HCN1: variants seen among roughly 807,000 people sequenced by gnomAD.
HCN1 encodes the protein hyperpolarization activated cyclic nucleotide gated potassium channel 1.
HCN1 carries 13 observed loss-of-function variants against 78.9 expected under a neutral mutation model. The observed-to-expected ratio is 0.16, with a 90% CI of 0.11 to 0.26. The LOEUF is 0.26. Ranked by LOEUF, HCN1 falls within the 10% of genes least tolerant of loss-of-function variation. The pLI, the probability that HCN1 is intolerant of heterozygous loss-of-function variation, is 1.00. For missense variants in HCN1, 810 were observed against 1,154.3 expected (o/e 0.70, Z 4.32); for synonymous variants, 552 against 455.5 (o/e 1.21, Z -2.70).
At chr5:45,660,825 AG>A (rs1318057100) in intron 1 of HCN1, among the ~76,000 whole-genome samples, 2 of 134,320 alleles carry the variant, frequency 1.5e-5, no homozygotes, top group African/African-American at 5.8e-5. Context: ...TGACATACAA[AG>A]AGACTTAGAC....
At chr5:45,461,159 C>A (rs142680180) in intron 3 of HCN1, among the ~76,000 whole-genome samples, 4,631 of 151,900 alleles carry the variant, frequency 0.03, 96 homozygotes, top group Non-Finnish European at 0.042. Flanking sequence ...GATATATCAA[C>A]CAAAATATTC....
At chr5:45,268,182 A>G (rs1348117394) in intron 6 of HCN1, among the ~76,000 whole-genome samples, 2 of 152,232 alleles carry the variant, frequency 1.3e-5, no homozygotes, top group African/African-American at 4.8e-5. Context: ...CTCTATTTAA[A>G]TGACTTTTAA....
intron 6 of HCN1, among the ~76,000 whole-genome samples, chr5:45,297,758 G>C (rs1267987044): frequency 1.3e-5 from 2 of 151,988 alleles, no homozygotes; most frequent in African/African-American, 2.4e-5. Context: ...ACATTTTGAT[G>C]CAATAAAAGT....
At chr5:45,469,580 T>C (rs1741345737) in intron 2 of HCN1, among the ~76,000 whole-genome samples, 1 of 152,020 alleles carries the variant, frequency 6.6e-6, no homozygotes, top group Non-Finnish European at 1.5e-5. Flanking sequence ...TGATGTTTAC[T>C]ATACACACTT....
chr5:45,529,198 T>C (rs780176550), intron 2 of HCN1, among the ~76,000 whole-genome samples: 6 of 152,044 alleles, frequency 3.9e-5, no homozygotes, highest in Admixed American at 6.6e-5. Flanking sequence ...AAGAACACCT[T>C]TCCTAAACAT....
At chr5:45,695,026 C>T (rs941469627) in intron 1 of HCN1, 3 of 152,300 alleles carry the variant, frequency 2.0e-5, no homozygotes, top group Non-Finnish European at 2.9e-5. Context: ...TCCTGCCCTG[C>T]CTGGAAGCGC....
At chr5:45,313,987 C>T (rs901481249) in intron 5 of HCN1, among the ~76,000 whole-genome samples, 5 of 152,092 alleles carry the variant, frequency 3.3e-5, no homozygotes, top group African/African-American at 7.2e-5. Flanking sequence ...GCAAGGCAGG[C>T]CAACATTCAA....
intron 5 of HCN1, among the ~76,000 whole-genome samples, chr5:45,347,057 G>T (rs1186381025): frequency 6.6e-6 from 1 of 152,202 alleles, no homozygotes; most frequent in East Asian, 1.9e-4. Flanking sequence ...CAGGCAGACT[G>T]CCTCCCCAAG....
chr5:45,546,206 T>C (rs888897710), intron 2 of HCN1, among the ~76,000 whole-genome samples: 1 of 152,018 alleles, frequency 6.6e-6, no homozygotes, highest in Non-Finnish European at 1.5e-5. Flanking sequence ...CCTCTTCTTT[T>C]CTTCTGTTTT....
At chr5:45,603,792 CTAATTGTATGAT>C (rs1450645574) in intron 2 of HCN1, among the ~76,000 whole-genome samples, 3 of 152,052 alleles carry the variant, frequency 2.0e-5, no homozygotes, top group Non-Finnish European at 4.4e-5. Context: ...TAAAATATGA[CTAATTGTATGAT>C]AAAATTTCCA....
intron 2 of HCN1, among the ~76,000 whole-genome samples, chr5:45,606,101 G>T (rs1744722546): frequency 6.6e-6 from 1 of 151,984 alleles, no homozygotes; most frequent in Non-Finnish European, 1.5e-5. Flanking sequence ...TCAGTTTATG[G>T]TTCCACCATC....
intron 3 of HCN1, among the ~76,000 whole-genome samples, chr5:45,430,727 C>T (rs1286414499): frequency 2.0e-5 from 3 of 152,004 alleles, no homozygotes; most frequent in Non-Finnish European, 4.4e-5. Context: ...GAGGCTGAGG[C>T]AGGAGAATGG....
rs1745068660 is a variant in HCN1, at chr5:45,621,876, C to T, written c.849+23309G>A. Among the ~76,000 whole-genome samples the T allele has an allele frequency of 2.6e-5, 4 of 151,958 alleles. No homozygotes were observed. The South Asian group carries it at 8.3e-4, about 32-fold the overall frequency. ...ATTTGAGTATTAACATTTGAATAACCTAAGCAGAAAAAAAATTGTTTTACT... is the reference window on the plus strand; with the variant it reads ...ATTTGAGTATTAACATTTGAATAACTTAAGCAGAAAAAAAATTGTTTTACT... On this transcript the variant is annotated intron_variant, in intron 2 of 7. Transcript: ENST00000303230.
intron 6 of HCN1, among the ~76,000 whole-genome samples, chr5:45,272,004 A>AC (rs2111854181): frequency 6.6e-6 from 1 of 152,246 alleles, no homozygotes; most frequent in South Asian, 2.1e-4. Flanking sequence ...CACTTAAAAT[A>AC]ATCTCTTCTT....
At chr5:45,298,547 A>G (rs1745545343) in intron 6 of HCN1, among the ~76,000 whole-genome samples, 1 of 152,072 alleles carries the variant, frequency 6.6e-6, no homozygotes, top group Non-Finnish European at 1.5e-5. Flanking sequence ...GCCAAAGATG[A>G]AACAATCTGA....
At chr5:45,264,156 A>G (rs1043626790) in intron 7 of HCN1, among the ~76,000 whole-genome samples, 5 of 152,152 alleles carry the variant, frequency 3.3e-5, no homozygotes, top group South Asian at 2.1e-4. Flanking sequence ...CCTCTTCTGA[A>G]TGGTTGTTGT....
chr5:45,362,990 CTAA>C (rs1043655646), intron 4 of HCN1, among the ~76,000 whole-genome samples: 2 of 150,952 alleles, frequency 1.3e-5, no homozygotes, highest in Non-Finnish European at 2.9e-5. Context: ...TTCTATTTCA[CTAA>C]TAATACTCTT....
intron 7 of HCN1, among the ~76,000 whole-genome samples, chr5:45,263,984 G>T (rs541056937): frequency 1.2e-4 from 18 of 152,100 alleles, no homozygotes; most frequent in African/African-American, 4.3e-4. Context: ...TAGTAGAGAT[G>T]GGGTTTCACC....
chr5:45,422,306 G>A (rs888156055), intron 3 of HCN1, among the ~76,000 whole-genome samples: 1 of 152,026 alleles, frequency 6.6e-6, no homozygotes, highest in Admixed American at 6.6e-5. Context: ...CTTTCCAAAG[G>A]CTCTTGTGCC....
Sources: gnomAD v4.1 joint callset for allele counts (sites outside exome capture counted in the v4.1 genomes callset) on GRCh38, gnomAD v4.1.1 for gene constraint, MANE v1.5 for transcripts, NCBI Gene and HGNC (gene_info 2026-07-23, HGNC 2026-07-21) for gene names.